CNTNAP2: variants seen among roughly 807,000 people sequenced by gnomAD.
CNTNAP2 encodes contactin-associated protein-like 2.
A neutral mutation model predicts 155.2 loss-of-function variants in CNTNAP2; 98 were observed. That is an observed-to-expected ratio of 0.63 (90% confidence interval 0.54 to 0.75). The LOEUF is 0.75. Ranked by LOEUF, CNTNAP2 falls within the 30% of genes least tolerant of loss-of-function variation. The probability of loss-of-function intolerance (pLI) is 0.00; values close to 1 mark genes in which losing one functional copy is unlikely to be tolerated. For synonymous variants in CNTNAP2, 651 were observed against 631.2 expected, an observed-to-expected ratio of 1.03 and a Z score of -0.47; for missense variants, 1,727 against 1,688.1, an observed-to-expected ratio of 1.02 and a Z score of -0.40.
At chr7:147,748,671 G>A (rs1797086052) in intron 13 of CNTNAP2, among the ~76,000 whole-genome samples, 1 of 152,122 alleles carries the variant, frequency 6.6e-6, no homozygotes, top group South Asian at 2.1e-4. Context: ...TTACCAGCAT[G>A]CCTCCCTTGA....
At chr7:147,059,433 ATTT>A (rs11365544) in intron 4 of CNTNAP2, among the ~76,000 whole-genome samples, 10,390 of 140,154 alleles carry the variant, frequency 0.074, 443 homozygotes, top group Middle Eastern at 0.13. Flanking sequence ...GATAATTCTG[ATTT>A]TTTTTTTTTT....
chr7:146,575,288 T>C (rs1035478354), intron 1 of CNTNAP2, among the ~76,000 whole-genome samples: 3 of 152,102 alleles, frequency 2.0e-5, no homozygotes, highest in African/African-American at 7.2e-5. Context: ...GGCTAATTTT[T>C]GTATTCTTAG....
chr7:146,907,293 C>G (rs1480338634), intron 3 of CNTNAP2, among the ~76,000 whole-genome samples: 5 of 144,358 alleles, frequency 3.5e-5, no homozygotes, highest in East Asian at 2.1e-4. Context: ...TCAGGAAATA[C>G]AGAGAACGCC....
chr7:148,087,496 A>T (rs940573699), intron 15 of CNTNAP2, among the ~76,000 whole-genome samples: 3 of 152,004 alleles, frequency 2.0e-5, no homozygotes, highest in African/African-American at 7.2e-5. Flanking sequence ...ACTAGACCCA[A>T]CTTCTTTCAG....
intron 8 of CNTNAP2, among the ~76,000 whole-genome samples, chr7:147,212,283 C>T (rs138924983): frequency 0.015 from 2,316 of 152,174 alleles, 86 homozygotes; most frequent in African/African-American, 0.052. Context: ...CCAAAAGATA[C>T]ATGCACTCAT....
rs71182188 is a variant in CNTNAP2, at chr7:147,272,664, AT to A, written c.1349-27461del. Among the ~76,000 whole-genome samples the A allele has an allele frequency of 1.3e-3, 179 of 138,932 alleles. 1 individual carries two copies. The highest frequency in any genetic ancestry group is 3.6e-3 in the Middle Eastern group (1 of 280). The allele number at this position is 138,932 out of a possible 152,430, so 91.1% of individuals were successfully genotyped here. ...CAGGCGCCGCCACCACGCCCGGCTAATTTTTTTTTTTTTTTTGTATTTGTAG... is the reference window on the plus strand; with the variant it reads ...CAGGCGCCGCCACCACGCCCGGCTAATTTTTTTTTTTTTTTGTATTTGTAG... On this transcript the variant is annotated intron_variant, in intron 8 of 23. Transcript: ENST00000361727.
chr7:146,343,131 A>G (rs920282009), intron 1 of CNTNAP2, among the ~76,000 whole-genome samples: 7 of 151,944 alleles, frequency 4.6e-5, no homozygotes, highest in Non-Finnish European at 1.0e-4. Context: ...ATATCTTTCA[A>G]TGTTAACTTT....
At chr7:146,337,681 G>A in intron 1 of CNTNAP2, among the ~76,000 whole-genome samples, 1 of 152,020 alleles carries the variant, frequency 6.6e-6, no homozygotes, top group East Asian at 1.9e-4. Flanking sequence ...TGTTGCCCAG[G>A]CTGGTCTCAA....
rs536158427 is a variant in CNTNAP2 at position 146,659,372 on chromosome 7, A to G, written c.98-114899A>G. Among the ~76,000 whole-genome samples the G allele has an allele frequency of 2.6e-5, 4 of 152,308 alleles. No individual in the cohort carries two copies. In the South Asian group the frequency reaches 6.2e-4, roughly 24 times the overall value. On this transcript the variant is annotated intron_variant, in intron 1 of 23. Coordinates refer to ENST00000361727, the MANE Select transcript of CNTNAP2 (RefSeq NM_014141.6). ...AGTGGAGTTCTGTGTTGCTCCAGAG[A>G]GCAATAGATGATAGAAGTTATTAGG... is the stretch of plus-strand genomic sequence containing the variant.
rs537481742 is a variant in CNTNAP2, at chr7:147,424,826, C to G, written c.1670+29046C>G. On this transcript the variant is annotated intron_variant, in intron 10 of 23. Coordinates refer to ENST00000361727, the MANE Select transcript of CNTNAP2 (RefSeq NM_014141.6). ...TGTCAACTCCATTCATCTATTCACT[C>G]AAACCAAAAACCTTAGCTTCATCTT... Among the ~76,000 whole-genome samples, 8 of 152,244 alleles carry G rather than the reference C, an allele frequency of 5.3e-5. No homozygotes were observed. In the South Asian group the frequency reaches 1.0e-3, roughly 20 times the overall value.
chr7:147,863,659 T>C (rs1799173257), intron 13 of CNTNAP2, among the ~76,000 whole-genome samples: 1 of 152,210 alleles, frequency 6.6e-6, no homozygotes, highest in Non-Finnish European at 1.5e-5. Flanking sequence ...GTAGTTTTGA[T>C]TTGCATTTCT....
chr7:147,819,130 A>G (rs975996769), intron 13 of CNTNAP2, among the ~76,000 whole-genome samples: 1 of 152,226 alleles, frequency 6.6e-6, no homozygotes, highest in African/African-American at 2.4e-5. Flanking sequence ...CAACTTAAAG[A>G]TCACCATAGA....
intron 11 of CNTNAP2, among the ~76,000 whole-genome samples, chr7:147,511,996 A>AT (rs1799031423): frequency 1.3e-5 from 2 of 152,196 alleles, no homozygotes; most frequent in Admixed American, 1.3e-4. Context: ...GATGCATGTA[A>AT]TTACCTTGAC....
chr7:146,672,920 T>C (rs1248562108), intron 1 of CNTNAP2, among the ~76,000 whole-genome samples: 1 of 152,204 alleles, frequency 6.6e-6, no homozygotes, highest in Non-Finnish European at 1.5e-5. Context: ...ATTTTGTAAC[T>C]TAAATGTATT....
At chr7:146,598,012 T>C (rs1226497128) in intron 1 of CNTNAP2, among the ~76,000 whole-genome samples, 1 of 152,066 alleles carries the variant, frequency 6.6e-6, no homozygotes, top group Non-Finnish European at 1.5e-5. Flanking sequence ...ATACGCATGC[T>C]CCTCTCTTCA....
intron 15 of CNTNAP2, among the ~76,000 whole-genome samples, chr7:147,985,147 T>A (rs201734936): frequency 5.7e-4 from 73 of 127,136 alleles, no homozygotes; most frequent in African/African-American, 2.1e-3. Flanking sequence ...AATAAATAAA[T>A]AACTATTTAC....
intron 13 of CNTNAP2, among the ~76,000 whole-genome samples, chr7:147,663,023 G>A (rs1242022350): frequency 3.9e-5 from 6 of 152,080 alleles, no homozygotes; most frequent in Non-Finnish European, 7.4e-5. Context: ...TTTTGAGACC[G>A]AGTCTCGCTC....
At chr7:146,525,584 CTA>C (rs1797679490) in intron 1 of CNTNAP2, among the ~76,000 whole-genome samples, 1 of 144,130 alleles carries the variant, frequency 6.9e-6, no homozygotes, top group African/African-American at 2.9e-5. Context: ...ATCTCTCTAT[CTA>C]TCATCTATCT....
intron 1 of CNTNAP2, among the ~76,000 whole-genome samples, chr7:146,183,942 TCTTTA>T (rs1798586276): frequency 6.6e-6 from 1 of 152,188 alleles, no homozygotes; most frequent in African/African-American, 2.4e-5. Flanking sequence ...AGTAGCTGGC[TCTTTA>T]CTTTGGGCAC....
Sources: gnomAD v4.1 joint callset for allele counts (sites outside exome capture counted in the v4.1 genomes callset) on GRCh38, gnomAD v4.1.1 for gene constraint, MANE v1.5 for transcripts, NCBI Gene and HGNC (gene_info 2026-07-23, HGNC 2026-07-21) for gene names.